TMEM114: variants seen among roughly 807,000 people sequenced by gnomAD.
The protein encoded by TMEM114 is transmembrane protein 114, also known as claudin-26.
TMEM114 carries 6 observed loss-of-function variants against 6.2 expected under a neutral mutation model. The observed-to-expected ratio is 0.97, with a 90% CI of 0.53 to 1.91. The LOEUF (loss-of-function observed/expected upper bound fraction) is 1.91. Ranked by LOEUF, TMEM114 falls within the 40% of genes most tolerant of loss-of-function variation. TMEM114 has a pLI of 0.01. For synonymous variants in TMEM114, 104 were observed against 73.0 expected, an observed-to-expected ratio of 1.42 and a Z score of -2.16; for missense variants, 218 against 158.3, an observed-to-expected ratio of 1.38 and a Z score of -2.02.
chr16:8,571,581 ACCCTC>A (rs1161245405), intron 3 of TMEM114, among the ~76,000 whole-genome samples: 1 of 78,892 alleles, frequency 1.3e-5, no homozygotes, highest in Non-Finnish European at 2.6e-5. Flanking sequence ...ACATCTCCCC[ACCCTC>A]CCCTGCCCCC....
chr16:8,532,543 A>C, the TMEM114 span, among the ~76,000 whole-genome samples: 9 of 152,218 alleles, frequency 5.9e-5, no homozygotes, highest in Admixed American at 4.6e-4. Flanking sequence ...ATTACATTCT[A>C]GGGGTCCATT....
chr16:8,574,776 C>G (rs1168222974), intron 2 of TMEM114, among the ~76,000 whole-genome samples: 3 of 152,072 alleles, frequency 2.0e-5, no homozygotes, highest in Non-Finnish European at 4.4e-5. Context: ...CATGGCAGCC[C>G]CATGTGAGTT....
chr16:8,535,369 C>T (rs1900325286), downstream of TMEM114, among the ~76,000 whole-genome samples: 1 of 151,804 alleles, frequency 6.6e-6, no homozygotes, highest in Admixed American at 6.6e-5. Context: ...CAGAGTGAAA[C>T]ATAGATCTCC....
intron 2 of TMEM114, among the ~76,000 whole-genome samples, chr16:8,563,619 G>C (rs1901375309): frequency 6.7e-6 from 1 of 149,364 alleles, no homozygotes; most frequent in Non-Finnish European, 1.5e-5. Flanking sequence ...ATGAGTGACT[G>C]AATGAGTGAG....
chr16:8,586,470 C>T (rs1191408279), intron 2 of TMEM114, among the ~76,000 whole-genome samples: 2 of 151,900 alleles, frequency 1.3e-5, no homozygotes, highest in African/African-American at 2.4e-5. Flanking sequence ...GGACATGACC[C>T]TCATCTCCCT....
At chr16:8,567,088 T>G (rs887645476), downstream of TMEM114, among the ~76,000 whole-genome samples, 3 of 150,728 alleles carry the variant, frequency 2.0e-5, no homozygotes, top group African/African-American at 7.3e-5. Flanking sequence ...TTTGTATTTT[T>G]AGTAGAGATG....
intron 2 of TMEM114, among the ~76,000 whole-genome samples, chr16:8,573,392 A>ACC (rs1389053446): frequency 6.6e-6 from 1 of 152,206 alleles, no homozygotes; most frequent in Non-Finnish European, 1.5e-5. Flanking sequence ...AAACAGTCAA[A>ACC]GATAAATAAT....
Position 8,589,305 on chromosome 16 carries a change from G to A in TMEM114, c.221-12C>T, listed in dbSNP as rs1902412061. ...GCACGGGCTCTGCACTGGATAGGAC[G>A]GAGGAATCCATGGGTGCAGGACCCC... On this transcript the variant is annotated splice_polypyrimidine_tract_variant and intron_variant, in intron 1 of 3. Coordinates refer to ENST00000620492, the MANE Select transcript of TMEM114 (RefSeq NM_001146336.2). 2.5e-6 allele frequency: 1 copy of A among 398,588 alleles called. No individual in the cohort carries two copies. The highest frequency in any genetic ancestry group is 2.1e-5 in the African/African-American group (1 of 48,638). 24.7% of individuals were successfully genotyped at this position (398,588 alleles called of 1,614,324 possible).
rs1901364351 is a variant in TMEM114, at chr16:8,563,438, T to C, written n.213-25612A>G. Among the ~76,000 whole-genome samples the C allele has an allele frequency of 1.0e-4, 2 of 19,690 alleles. 1 individual carries two copies. The highest frequency in any genetic ancestry group is 1.2e-3 in the Admixed American group (2 of 1,716). The allele number at this position is 19,690 out of a possible 152,430, so 12.9% of individuals were successfully genotyped here. A position where few individuals can be genotyped will look rare whatever the true frequency, so the allele number is the denominator to read the frequency against. On this transcript the variant is annotated intron_variant and non_coding_transcript_variant, in intron 2 of 2. Transcript: ENST00000623677. ...ATTAGTGAGTGAATGAGTGAGGCAA[T>C]GAGTAAGTGAATGAGTGAGTGAATG...
chr16:8,546,979 C>A (rs1900687294), intron 2 of TMEM114, among the ~76,000 whole-genome samples: 1 of 152,206 alleles, frequency 6.6e-6, no homozygotes. Flanking sequence ...CCAACTGAGC[C>A]TTGGGTAAAG....
intron 2 of TMEM114, among the ~76,000 whole-genome samples, chr16:8,552,227 T>A (rs545973407): frequency 5.8e-4 from 86 of 149,184 alleles, no homozygotes; most frequent in East Asian, 2.0e-3. Context: ...AAAAAAAAAA[T>A]TTTAATATTA....
chr16:8,554,745 C>G (rs971534615), intron 2 of TMEM114, among the ~76,000 whole-genome samples: 1 of 152,198 alleles, frequency 6.6e-6, no homozygotes, highest in African/African-American at 2.4e-5. Context: ...GCTTAGCACT[C>G]ACAGATGAGA....
intron 2 of TMEM114, among the ~76,000 whole-genome samples, chr16:8,580,270 C>T (rs62018867): frequency 0.24 from 35,830 of 152,002 alleles, 4,762 homozygotes; most frequent in Middle Eastern, 0.3. Flanking sequence ...GCAGATCACT[C>T]GAGGCCAGGA....
intron 2 of TMEM114, among the ~76,000 whole-genome samples, chr16:8,577,330 C>G (rs1171611497): frequency 6.6e-6 from 1 of 152,200 alleles, no homozygotes; most frequent in Admixed American, 6.5e-5. Context: ...GCGCTGGACT[C>G]AAAAGCAAAC....
intron 2 of TMEM114, 167 bp from the exon 3 acceptor site, chr16:8,572,391 C>T (rs1172860857): frequency 6.6e-6 from 5 of 756,874 alleles, no homozygotes; most frequent in African/African-American, 1.7e-5. Context: ...ACCATGACAA[C>T]AGTGGTTGAG....
At chr16:8,568,299 C>T (rs1049550497), downstream of TMEM114, among the ~76,000 whole-genome samples, 2 of 152,284 alleles carry the variant, frequency 1.3e-5, no homozygotes, top group Non-Finnish European at 2.9e-5. Flanking sequence ...CTGGTGTGTA[C>T]TGGCCTTCCT....
chr16:8,550,604 G>A (rs1237732389), intron 2 of TMEM114, among the ~76,000 whole-genome samples: 1 of 151,866 alleles, frequency 6.6e-6, no homozygotes, highest in Non-Finnish European at 1.5e-5. Context: ...CTTGAACCCT[G>A]GAGGCAGAGG....
chr16:8,548,910 C>A (rs2141656496), intron 2 of TMEM114, among the ~76,000 whole-genome samples: 1 of 152,132 alleles, frequency 6.6e-6, no homozygotes, highest in South Asian at 2.1e-4. Flanking sequence ...TCGCCAGGCG[C>A]AGTGGCTCAT....
intron 2 of TMEM114, among the ~76,000 whole-genome samples, chr16:8,553,164 T>C (rs1900899381): frequency 6.6e-6 from 1 of 152,216 alleles, no homozygotes; most frequent in South Asian, 2.1e-4. Flanking sequence ...GTTTCATTCC[T>C]CTGGTCTGAG....
Sources: gnomAD v4.1 joint callset for allele counts (sites outside exome capture counted in the v4.1 genomes callset) on GRCh38, gnomAD v4.1.1 for gene constraint, MANE v1.5 for transcripts, NCBI Gene and HGNC (gene_info 2026-07-23, HGNC 2026-07-21) for gene names.